Variants in NCAM2 observed in about 807,000 individuals in gnomAD.
NCAM2 encodes the protein N-CAM-2.
In NCAM2, 30 loss-of-function variants were observed where a neutral mutation model predicts 98.1. The observed-to-expected ratio is 0.31, with a 90% CI of 0.23 to 0.41. The LOEUF (loss-of-function observed/expected upper bound fraction) is 0.41. NCAM2 is among the 10% of genes least tolerant of loss of function. NCAM2 has a pLI of 1.00. For missense variants in NCAM2, 867 were observed against 1,005.8 expected, an observed-to-expected ratio of 0.86 and a Z score of 1.87; for synonymous variants, 368 against 342.4, an observed-to-expected ratio of 1.07 and a Z score of -0.83.
chr21:21,366,199 G>A (rs186266261), intron 8 of NCAM2, among the ~76,000 whole-genome samples: 6 of 151,956 alleles, frequency 3.9e-5, no homozygotes, highest in East Asian at 1.9e-4. Flanking sequence ...AAGGACAAGC[G>A]CAATGACTAT....
chr21:21,350,330 T>A (rs1233820657), intron 8 of NCAM2, among the ~76,000 whole-genome samples: 1 of 152,108 alleles, frequency 6.6e-6, no homozygotes, highest in Non-Finnish European at 1.5e-5. Flanking sequence ...TGATAATGGG[T>A]TAAAGTTTTA....
intron 1 of NCAM2, among the ~76,000 whole-genome samples, chr21:21,131,896 T>C (rs552481284): frequency 1.3e-3 from 191 of 152,294 alleles, no homozygotes; most frequent in African/African-American, 4.4e-3. Flanking sequence ...TTTATATAAA[T>C]AGCTAAGTGG....
intron 1 of NCAM2, among the ~76,000 whole-genome samples, chr21:21,038,717 G>A (rs537027718): frequency 9.9e-5 from 15 of 152,112 alleles, no homozygotes; most frequent in Non-Finnish European, 2.1e-4. Flanking sequence ...CCAGTCTCAG[G>A]AATTTCTTCA....
At chr21:21,409,199 T>C (rs1444344056) in intron 9 of NCAM2, among the ~76,000 whole-genome samples, 1 of 152,150 alleles carries the variant, frequency 6.6e-6, no homozygotes, top group African/African-American at 2.4e-5. Flanking sequence ...TTACAATATT[T>C]GGCATTTGAT....
At chr21:21,210,735 C>A in intron 1 of NCAM2, 1 of 980,506 alleles carries the variant, frequency 1.0e-6, no homozygotes, top group Non-Finnish European at 1.3e-6. Context: ...TAAGGAATGT[C>A]AAAATGTCAT....
At chr21:21,425,775 G>T (rs2077202996) in intron 11 of NCAM2, among the ~76,000 whole-genome samples, 1 of 152,164 alleles carries the variant, frequency 6.6e-6, no homozygotes, top group Non-Finnish European at 1.5e-5. Context: ...GTAAAAACTA[G>T]GTGAGTAGTG....
At chr21:21,329,032 G>A (rs1005512655) in intron 6 of NCAM2, among the ~76,000 whole-genome samples, 1 of 148,286 alleles carries the variant, frequency 6.7e-6, no homozygotes, top group Admixed American at 6.8e-5. Context: ...TCGGCTCACT[G>A]CAACTTCTGC....
At chr21:21,160,374 A>G (rs1325580441) in intron 1 of NCAM2, among the ~76,000 whole-genome samples, 2 of 151,966 alleles carry the variant, frequency 1.3e-5, no homozygotes, top group African/African-American at 2.4e-5. Context: ...ATACATTGCC[A>G]TTGCAGGCAA....
intron 1 of NCAM2, among the ~76,000 whole-genome samples, chr21:21,025,178 C>T (rs868179534): frequency 5.3e-5 from 8 of 151,996 alleles, no homozygotes; most frequent in Middle Eastern, 3.4e-3. Context: ...CTCCGCCTCC[C>T]GGGTTCATGC....
intron 1 of NCAM2, among the ~76,000 whole-genome samples, chr21:21,223,074 C>T (rs1028504704): frequency 1.3e-5 from 2 of 152,122 alleles, no homozygotes; most frequent in Admixed American, 6.6e-5. Context: ...GATTATTATT[C>T]TCATTTTCCT....
chr21:21,395,028 C>T (rs1204356471), intron 9 of NCAM2, among the ~76,000 whole-genome samples: 2 of 152,262 alleles, frequency 1.3e-5, no homozygotes, highest in African/African-American at 4.8e-5. Context: ...TTCTTTCCCT[C>T]ATTGAATGTA....
In NCAM2 at chr21:21,005,259, G is replaced by A. The variant is rs190930575; in HGVS notation, c.55+6641G>A. Among the ~76,000 whole-genome samples the A allele has an allele frequency of 4.4e-3, 674 of 152,240 alleles. 6 individuals are homozygous for A. Among genetic ancestry groups the A allele is most frequent in the African/African-American group, 0.015 (611 of 41,538 alleles). On this transcript the variant is annotated intron_variant, in intron 1 of 17. Coordinates refer to ENST00000400546, the MANE Select transcript of NCAM2 (RefSeq NM_004540.5). ...TGGCCATGTGTAGGATGGACCAGAA[G>A]GAAAGCAAAAGAAGTGGACGTGGCA...
At chr21:21,007,567 T>G (rs1437716812) in intron 1 of NCAM2, among the ~76,000 whole-genome samples, 3 of 152,090 alleles carry the variant, frequency 2.0e-5, no homozygotes, top group Admixed American at 6.6e-5. Flanking sequence ...AAACTGAAGG[T>G]GCCTCTCCTT....
chr21:21,039,598 G>A (rs1473327773), intron 1 of NCAM2, among the ~76,000 whole-genome samples: 1 of 152,096 alleles, frequency 6.6e-6, no homozygotes, highest in Non-Finnish European at 1.5e-5. Flanking sequence ...AGTAAAAAAT[G>A]TAACTTCAGG....
At chr21:21,136,416 T>C (rs1455139088) in intron 1 of NCAM2, among the ~76,000 whole-genome samples, 1 of 151,706 alleles carries the variant, frequency 6.6e-6, no homozygotes, top group East Asian at 1.9e-4. Context: ...TGGATTTATC[T>C]AAATATGGGA....
At chr21:21,266,523 A>G (rs985225549) in intron 1 of NCAM2, among the ~76,000 whole-genome samples, 6 of 152,178 alleles carry the variant, frequency 3.9e-5, no homozygotes, top group African/African-American at 1.4e-4. Context: ...CATATACACT[A>G]TGGAATACTA....
chr21:21,488,878 T>G (rs1048755092), intron 15 of NCAM2, among the ~76,000 whole-genome samples: 1 of 151,946 alleles, frequency 6.6e-6, no homozygotes, highest in Non-Finnish European at 1.5e-5. Flanking sequence ...TATGTAACTT[T>G]ATGTGTTTTA....
chr21:21,257,455 A>G (rs2071716765), intron 1 of NCAM2, among the ~76,000 whole-genome samples: 8 of 152,212 alleles, frequency 5.3e-5, no homozygotes, highest in Admixed American at 5.2e-4. Context: ...TTGTTTTATC[A>G]TCTGAGACAG....
chr21:21,056,559 G>A (rs1601227982), intron 1 of NCAM2, among the ~76,000 whole-genome samples: 2 of 150,284 alleles, frequency 1.3e-5, no homozygotes, highest in African/African-American at 4.9e-5. Context: ...GAGAGAGAGA[G>A]AGTGAGAGAG....
Sources: gnomAD v4.1 joint callset for allele counts (sites outside exome capture counted in the v4.1 genomes callset) on GRCh38, gnomAD v4.1.1 for gene constraint, MANE v1.5 for transcripts, NCBI Gene and HGNC (gene_info 2026-07-23, HGNC 2026-07-21) for gene names.